KCNK9: variants seen among roughly 807,000 people sequenced by gnomAD.
KCNK9 encodes potassium two pore domain channel subfamily K member 9.
KCNK9 carries 1 observed loss-of-function variant against 10.8 expected under a neutral mutation model. The ratio of observed to expected loss-of-function variants is 0.09; its 90% CI spans 0.03 to 0.44. The LOEUF is 0.44. Ranked by LOEUF, KCNK9 falls within the 20% of genes least tolerant of loss-of-function variation. KCNK9 has a pLI of 0.97. For synonymous variants in KCNK9, 231 were observed against 222.7 expected (o/e 1.04, Z -0.33); for missense variants, 303 against 515.0 (o/e 0.59, Z 3.98).
chr8:139,630,059 G>C (rs929995858), intron 1 of KCNK9, among the ~76,000 whole-genome samples: 1 of 151,906 alleles, frequency 6.6e-6, no homozygotes, highest in Non-Finnish European at 1.5e-5. Flanking sequence ...AGGGGTTGCG[G>C]GGGGAGCGGG....
At chr8:139,635,207 T>C (rs1439633680) in intron 1 of KCNK9, among the ~76,000 whole-genome samples, 1 of 152,216 alleles carries the variant, frequency 6.6e-6, no homozygotes, top group Non-Finnish European at 1.5e-5. Context: ...GCACAACCAA[T>C]GTTAGGGTGC....
Position 139,651,374 on chromosome 8 carries a change from G to A in KCNK9, c.284-32275C>T, listed in dbSNP as rs115260701. On this transcript the variant is annotated intron_variant, in intron 1 of 1. Coordinates refer to ENST00000520439, the MANE Select transcript of KCNK9 (RefSeq NM_001282534.2). ...ACAATCCCACCTCCTGACCACGGATGGGCACGGCAACCACACCTGGCCACC... is the reference window on the plus strand; with the variant it reads ...ACAATCCCACCTCCTGACCACGGATAGGCACGGCAACCACACCTGGCCACC... Among the ~76,000 whole-genome samples the A allele has an allele frequency of 7.4e-3, 1,132 of 152,306 alleles. 10 individuals are homozygous for A. The highest frequency in any genetic ancestry group is 0.026 in the African/African-American group (1,087 of 41,556).
chr8:139,603,270 G>A (rs1364827435), intron 2 of KCNK9, among the ~76,000 whole-genome samples: 1 of 152,214 alleles, frequency 6.6e-6, no homozygotes, highest in African/African-American at 2.4e-5. Flanking sequence ...AGCGGCACAA[G>A]CACCCGTGTG....
chr8:139,637,888 T>C (rs569808643), intron 1 of KCNK9, among the ~76,000 whole-genome samples: 1 of 151,998 alleles, frequency 6.6e-6, no homozygotes, highest in Admixed American at 6.6e-5. Context: ...CACACTTCCC[T>C]GGGCCACTGA....
intron 1 of KCNK9, among the ~76,000 whole-genome samples, chr8:139,697,925 G>A (rs1250570966): frequency 4.6e-5 from 7 of 152,126 alleles, no homozygotes; most frequent in Non-Finnish European, 7.4e-5. Context: ...GCATCTCCTG[G>A]CTCCCCAGCA....
rs187566472 is a variant in KCNK9, at chr8:139,688,624, C to T, written c.283+14086G>A. Among the ~76,000 whole-genome samples the T allele has an allele frequency of 4.3e-4, 66 of 152,306 alleles. 1 individual carries two copies. The highest frequency in any genetic ancestry group is 1.9e-3 in the East Asian group (10 of 5,184). On this transcript the variant is annotated intron_variant, in intron 1 of 1. Transcript: ENST00000520439. ...TGAAATTTGGGTGGGGACACAGAGC[C>T]AAACCATATCAATGACCGATCCTGG...
exon 3 of KCNK9, chr8:139,601,475 T>A (rs1488397568): frequency 1.3e-5 from 2 of 152,168 alleles, no homozygotes; most frequent in African/African-American, 4.8e-5. Flanking sequence ...CCGAAGCTGG[T>A]GCCATTCTAA....
intron 1 of KCNK9, among the ~76,000 whole-genome samples, chr8:139,639,054 C>A (rs1407293095): frequency 6.6e-6 from 1 of 152,142 alleles, no homozygotes; most frequent in Non-Finnish European, 1.5e-5. Context: ...CGTAGCCAAC[C>A]CCTGTGCCCC....
At chr8:139,622,908 C>T (rs571867534) in intron 1 of KCNK9, among the ~76,000 whole-genome samples, 8 of 152,250 alleles carry the variant, frequency 5.3e-5, no homozygotes, top group Admixed American at 1.3e-4. Flanking sequence ...TGTAGAATAA[C>T]GGCACATGTG....
At position 139,619,082 on chromosome 8, in the gene KCNK9, G is replaced by A; in HGVS notation, c.301C>T (p.Pro101Ser). Reference sequence around the variant, plus strand: ...AAGGCCTTGCCCGCATCGGTGCCAGGTGCAGCGTGCCCATAACCTGTGGGA... The same window carrying A: ...AAGGCCTTGCCCGCATCGGTGCCAGATGCAGCGTGCCCATAACCTGTGGGA... ...ITTIGYGHAAPGTDAGKAFCM... is the reference protein window; with the variant it reads ...ITTIGYGHAASGTDAGKAFCM... Residue 101 changes from proline (P) to serine (S), a missense_variant, in exon 2 of 2, where the codon CCT (proline) becomes TCT (serine). Pro to Ser is a moderately conservative substitution (Grantham distance 74, BLOSUM62 -1). Transcript: ENST00000520439. 1 of 1,614,198 alleles carries A rather than the reference G, an allele frequency of 6.2e-7. No individual in the cohort carries two copies. Among genetic ancestry groups the A allele is most frequent in the Non-Finnish European group, 8.5e-7 (1 of 1,180,038 alleles).
intron 1 of KCNK9, among the ~76,000 whole-genome samples, chr8:139,646,583 C>T (rs1442962205): frequency 6.6e-6 from 1 of 152,172 alleles, no homozygotes; most frequent in East Asian, 1.9e-4. Flanking sequence ...AGGTACAACC[C>T]GCCAGTAAAT....
At chr8:139,644,306 C>T (rs897168058) in intron 1 of KCNK9, among the ~76,000 whole-genome samples, 4 of 152,236 alleles carry the variant, frequency 2.6e-5, no homozygotes, top group Non-Finnish European at 4.4e-5. Flanking sequence ...AACCAACGTC[C>T]TCAGAACATT....
chr8:139,636,499 G>T (rs1586651153), intron 1 of KCNK9, among the ~76,000 whole-genome samples: 1 of 152,316 alleles, frequency 6.6e-6, no homozygotes. Context: ...TTTCCTTTCA[G>T]CAGAGGTAGA....
intron 1 of KCNK9, among the ~76,000 whole-genome samples, chr8:139,658,694 G>A (rs1231497060): frequency 2.6e-5 from 4 of 152,202 alleles, no homozygotes; most frequent in Admixed American, 1.3e-4. Flanking sequence ...GACTAGCTCT[G>A]TGAAACTGGC....
At chr8:139,699,929 C>A (rs936573630) in intron 1 of KCNK9, among the ~76,000 whole-genome samples, 31 of 152,182 alleles carry the variant, frequency 2.0e-4, no homozygotes, top group African/African-American at 7.5e-4. Context: ...CAAGAAATAG[C>A]TCAAGGTTAG....
At chr8:139,682,304 C>T (rs969420272) in intron 1 of KCNK9, among the ~76,000 whole-genome samples, 1 of 152,204 alleles carries the variant, frequency 6.6e-6, no homozygotes, top group Non-Finnish European at 1.5e-5. Flanking sequence ...GTGCCAGACA[C>T]AGGCGGGTGG....
chr8:139,673,872 C>T (rs148773028), intron 1 of KCNK9, among the ~76,000 whole-genome samples: 3 of 152,252 alleles, frequency 2.0e-5, no homozygotes, highest in African/African-American at 7.2e-5. Context: ...TGCTCCCTGG[C>T]TCCCCCAAGG....
intron 1 of KCNK9, among the ~76,000 whole-genome samples, chr8:139,678,316 G>C (rs1816609692): frequency 1.3e-5 from 2 of 152,202 alleles, no homozygotes; most frequent in Admixed American, 1.3e-4. Flanking sequence ...CCCTTCTCCA[G>C]TCTGAGACAG....
chr8:139,614,958 A>G (rs1190894652), downstream of KCNK9, among the ~76,000 whole-genome samples: 2 of 152,264 alleles, frequency 1.3e-5, no homozygotes, highest in Non-Finnish European at 2.9e-5. Context: ...GCTCTTCCTG[A>G]GCTCATTCTA....
Sources: allele counts gnomAD v4.1 joint callset (sites outside exome capture counted in the v4.1 genomes callset), GRCh38; gene constraint gnomAD v4.1.1; transcripts MANE v1.5; gene names NCBI Gene and HGNC (gene_info 2026-07-23, HGNC 2026-07-21).